LRRC37A2: variants seen among roughly 807,000 people sequenced by gnomAD.
LRRC37A2 encodes the protein leucine rich repeat containing 37 member A2, also known as leucine-rich repeat-containing protein 37A2.
In LRRC37A2, 9 loss-of-function variants were observed where a neutral mutation model predicts 68.8. The ratio of observed to expected loss-of-function variants is 0.13; its 90% CI spans 0.08 to 0.23. LRRC37A2 has a LOEUF of 0.23. Ranked by LOEUF, LRRC37A2 falls within the 10% of genes least tolerant of loss-of-function variation. The pLI, the probability that LRRC37A2 is intolerant of heterozygous loss-of-function variation, is 1.00. For missense variants in LRRC37A2, 168 were observed against 950.4 expected, an observed-to-expected ratio of 0.18 and a Z score of 10.82; for synonymous variants, 63 against 367.6, an observed-to-expected ratio of 0.17 and a Z score of 9.48.
At chr17:46,918,958 A>G in the LRRC37A2 span, among the ~76,000 whole-genome samples, 1 of 151,990 alleles carries the variant, frequency 6.6e-6, no homozygotes, top group Non-Finnish European at 1.5e-5. Flanking sequence ...TCCTCTTTGA[A>G]TCTCTCTTGA....
chr17:46,532,309 GAA>G (rs1174016983), intron 6 of LRRC37A2, among the ~76,000 whole-genome samples: 1 of 150,222 alleles, frequency 6.7e-6, no homozygotes, highest in Non-Finnish European at 1.5e-5. Flanking sequence ...ATACTCCGTT[GAA>G]TTTGGTTTGC....
the LRRC37A2 span, among the ~76,000 whole-genome samples, chr17:46,760,652 A>G: frequency 9.0e-5 from 13 of 144,686 alleles, no homozygotes; most frequent in African/African-American, 3.0e-4. Context: ...AAAAAAAAAG[A>G]AAAAAAAAGG....
the LRRC37A2 span, chr17:46,929,489 C>T: frequency 8.4e-7 from 1 of 1,190,674 alleles, no homozygotes; most frequent in South Asian, 1.2e-5. Context: ...TTACTCCTGT[C>T]TCACTCATTT....
chr17:46,959,985 C>G, the LRRC37A2 span, among the ~76,000 whole-genome samples: 1 of 152,318 alleles, frequency 6.6e-6, no homozygotes, highest in East Asian at 1.9e-4. Flanking sequence ...AGATCTGGTC[C>G]TCAGCAGTAG....
the LRRC37A2 span, among the ~76,000 whole-genome samples, chr17:46,898,616 G>A: frequency 1.3e-5 from 2 of 152,220 alleles, no homozygotes; most frequent in Non-Finnish European, 2.9e-5. Context: ...ATAGGAAGCA[G>A]AGGATGAGGA....
chr17:46,882,684 C>T, the LRRC37A2 span, among the ~76,000 whole-genome samples: 6 of 152,190 alleles, frequency 3.9e-5, no homozygotes, highest in Non-Finnish European at 8.8e-5. Flanking sequence ...CTTGACTTCG[C>T]TCCATCTCTC....
At chr17:46,976,383 T>G in the LRRC37A2 span, among the ~76,000 whole-genome samples, 29 of 151,258 alleles carry the variant, frequency 1.9e-4, no homozygotes, top group South Asian at 2.3e-3. Context: ...AAATAATAAA[T>G]AAATAAATAA....
At chr17:46,966,557 C>T in the LRRC37A2 span, 1 of 696,360 alleles carries the variant, frequency 1.4e-6, no homozygotes, top group South Asian at 1.5e-5. Context: ...CCATGTTGCC[C>T]AGAATGGACC....
the LRRC37A2 span, among the ~76,000 whole-genome samples, chr17:46,761,283 G>C: frequency 2.0e-5 from 3 of 151,678 alleles, no homozygotes; most frequent in African/African-American, 7.3e-5. Context: ...AGAGCAGCCC[G>C]CCTCCACCAT....
the LRRC37A2 span, chr17:46,872,645 G>A: frequency 3.7e-5 from 59 of 1,613,546 alleles, no homozygotes; most frequent in East Asian, 2.2e-4. Flanking sequence ...CAGCTCTGCC[G>A]GAGGGAGCCC....
At chr17:46,823,108 CATATATT>C in the LRRC37A2 span, among the ~76,000 whole-genome samples, 12,577 of 105,576 alleles carry the variant, frequency 0.12, 1,574 homozygotes, top group African/African-American at 0.21. Flanking sequence ...ATAATAAACA[CATATATT>C]ATATATTATA....
chr17:46,795,800 G>C, the LRRC37A2 span, among the ~76,000 whole-genome samples: 1 of 152,118 alleles, frequency 6.6e-6, no homozygotes, highest in African/African-American at 2.4e-5. Flanking sequence ...TAACCCCCAG[G>C]CTTCTCAGAT....
chr17:46,926,148 A>C, the LRRC37A2 span, among the ~76,000 whole-genome samples: 1 of 152,224 alleles, frequency 6.6e-6, no homozygotes, highest in African/African-American at 2.4e-5. Flanking sequence ...AGCGGAGCTT[A>C]AGAACTATTA....
chr17:46,801,033 T>C, the LRRC37A2 span, among the ~76,000 whole-genome samples: 1 of 152,212 alleles, frequency 6.6e-6, no homozygotes, highest in African/African-American at 2.4e-5. Flanking sequence ...TCTAACTCAC[T>C]GAGTACACAC....
the LRRC37A2 span, among the ~76,000 whole-genome samples, chr17:46,794,760 T>C: frequency 1.3e-5 from 2 of 149,792 alleles, no homozygotes; most frequent in South Asian, 4.2e-4. Flanking sequence ...TTCTTTTTTT[T>C]TTTTTTTTTT....
chr17:46,823,445 A>G, the LRRC37A2 span, among the ~76,000 whole-genome samples: 1 of 150,816 alleles, frequency 6.6e-6, no homozygotes, highest in Non-Finnish European at 1.5e-5. Flanking sequence ...CGAACTCCTG[A>G]CCTATATTTT....
chr17:46,951,987 G>C, the LRRC37A2 span, among the ~76,000 whole-genome samples: 103 of 152,288 alleles, frequency 6.8e-4, no homozygotes, highest in African/African-American at 2.4e-3. Context: ...TCCTCTCAGA[G>C]TGGCTATATT....
the LRRC37A2 span, chr17:46,818,404 G>C: frequency 9.5e-7 from 1 of 1,048,464 alleles, no homozygotes; most frequent in Non-Finnish European, 1.4e-6. Context: ...GGGGCTGGAG[G>C]GAGGCGAGGA....
chr17:46,966,286 T>C, the LRRC37A2 span, among the ~76,000 whole-genome samples: 1 of 152,228 alleles, frequency 6.6e-6, no homozygotes. Flanking sequence ...ATGTACCTTC[T>C]CAGACCACTT....
Sources: gnomAD v4.1 joint callset for allele counts (sites outside exome capture counted in the v4.1 genomes callset) on GRCh38, gnomAD v4.1.1 for gene constraint, MANE v1.5 for transcripts, NCBI Gene and HGNC (gene_info 2026-07-23, HGNC 2026-07-21) for gene names.